The following SNX25 variants were observed in gnomAD, a reference collection of about 807,000 sequenced individuals.
SNX25 encodes the protein sorting nexin-25.
In SNX25, 62 loss-of-function variants were observed where a neutral mutation model predicts 113.7. The ratio of observed to expected loss-of-function variants is 0.55; its 90% CI spans 0.44 to 0.67. The LOEUF (loss-of-function observed/expected upper bound fraction) is 0.67. Among genes scored for constraint, SNX25 ranks in the 30% least tolerant of loss-of-function variants. SNX25 has a pLI of 0.00. For synonymous variants in SNX25, 421 were observed against 436.2 expected (o/e 0.97, Z 0.43); for missense variants, 1,014 against 1,161.0 (o/e 0.87, Z 1.84).
At chr4:185,352,576 G>C (rs2095321299) in intron 14 of SNX25, among the ~76,000 whole-genome samples, 1 of 152,104 alleles carries the variant, frequency 6.6e-6, no homozygotes, top group African/African-American at 2.4e-5. Context: ...GTTAATATAT[G>C]ACTCAGTCAC....
At chr4:185,353,433 C>A in intron 14 of SNX25, 52 bp from the exon 15 acceptor site, 1 of 1,397,086 alleles carries the variant, frequency 7.2e-7, no homozygotes, top group Non-Finnish European at 1.0e-6. Flanking sequence ...AACAACTCTA[C>A]CAATTTTCTT....
At chr4:185,374,296 A>C, downstream of SNX25, 2 of 1,614,022 alleles carry the variant, frequency 1.2e-6, no homozygotes, top group Non-Finnish European at 1.7e-6. Flanking sequence ...TTCAAACCTA[A>C]TCTTGTTCTC....
intron 1 of SNX25, among the ~76,000 whole-genome samples, chr4:185,211,327 G>A (rs773859703): frequency 1.4e-4 from 22 of 152,214 alleles, no homozygotes; most frequent in Admixed American, 2.0e-4. Flanking sequence ...AAACAAGGCA[G>A]TATATTAAGG....
intron 1 of SNX25, among the ~76,000 whole-genome samples, chr4:185,229,103 G>A (rs539722608): frequency 6.6e-6 from 1 of 152,094 alleles, no homozygotes; most frequent in African/African-American, 2.4e-5. Flanking sequence ...CAACGCCCGC[G>A]GTGTGGTTGT....
intron 11 of SNX25, among the ~76,000 whole-genome samples, chr4:185,340,531 A>G (rs2095254425): frequency 6.6e-6 from 1 of 152,178 alleles, no homozygotes; most frequent in Non-Finnish European, 1.5e-5. Flanking sequence ...AGACTCCCAC[A>G]TAGAAACCCT....
intron 6 of SNX25, among the ~76,000 whole-genome samples, chr4:185,306,898 G>A (rs929528782): frequency 6.6e-6 from 1 of 151,996 alleles, no homozygotes; most frequent in Non-Finnish European, 1.5e-5. Flanking sequence ...TTTTTTTCCT[G>A]TTGAGATAAA....
At chr4:185,322,909 T>C (rs1413227392) in intron 8 of SNX25, among the ~76,000 whole-genome samples, 1 of 152,250 alleles carries the variant, frequency 6.6e-6, no homozygotes, top group Non-Finnish European at 1.5e-5. Context: ...TGTTGAAAAC[T>C]GCGTAACATT....
intron 7 of SNX25, among the ~76,000 whole-genome samples, chr4:185,317,332 C>T (rs1011295480): frequency 2.0e-5 from 3 of 152,126 alleles, no homozygotes; most frequent in Middle Eastern, 3.2e-3. Context: ...CAGATGCTGA[C>T]GAGGCTGTGG....
intron 1 of SNX25, 47 bp from the exon 2 acceptor site, chr4:185,247,247 T>C (rs1365743061): frequency 7.8e-7 from 1 of 1,286,000 alleles, no homozygotes; most frequent in Non-Finnish European, 1.1e-6. Context: ...TTTTATGTGA[T>C]TTATTCATTC....
At chr4:185,276,774 G>T (rs925331045) in intron 5 of SNX25, among the ~76,000 whole-genome samples, 1 of 152,142 alleles carries the variant, frequency 6.6e-6, no homozygotes, top group Non-Finnish European at 1.5e-5. Context: ...TTTCCCCGCC[G>T]CCCTGTCTCC....
chr4:185,361,357 T>C (rs2095362641), intron 16 of SNX25, among the ~76,000 whole-genome samples: 1 of 152,222 alleles, frequency 6.6e-6, no homozygotes, highest in Admixed American at 6.5e-5. Context: ...TTCTTGTCTT[T>C]ATAGATTGAA....
Position 185,363,353 on chromosome 4 carries a change from T to C in SNX25, c.2935-32T>C, listed in dbSNP as rs1185355182. ...TGAATAAACCCTTGGAGAAAAACAT[T>C]TTTCCACTTTTTTCCTTCTTTGTTG... is the stretch of plus-strand genomic sequence containing the variant. On this transcript the variant is annotated intron_variant, in intron 18 of 18. Coordinates refer to ENST00000652585, the MANE Select transcript of SNX25 (RefSeq NM_001378034.2). The surrounding 1 kb of genome is among the most constrained non-coding windows in gnomAD (Gnocchi z 4.2). The C allele has an allele frequency of 4.4e-6, 7 of 1,608,838 alleles. No individual in the cohort carries two copies. The highest frequency in any genetic ancestry group is 6.0e-6 in the Non-Finnish European group (7 of 1,175,746).
At chr4:185,326,189 G>A (rs2095156084) in intron 9 of SNX25, among the ~76,000 whole-genome samples, 1 of 152,112 alleles carries the variant, frequency 6.6e-6, no homozygotes, top group Non-Finnish European at 1.5e-5. Context: ...ACTTTGAAAA[G>A]CAAAACAAAG....
At chr4:185,341,902 G>A (rs1334312916) in intron 11 of SNX25, 74 bp from the exon 12 acceptor site, 9 of 1,480,740 alleles carry the variant, frequency 6.1e-6, no homozygotes, top group Non-Finnish European at 6.3e-6. Flanking sequence ...TCCTTAGGGG[G>A]ACACTTACAG....
At chr4:185,341,683 T>A (rs1261953306) in intron 11 of SNX25, among the ~76,000 whole-genome samples, 1 of 152,240 alleles carries the variant, frequency 6.6e-6, no homozygotes, top group African/African-American at 2.4e-5. Context: ...ATCTGTTTTC[T>A]TGCTGGTTTC....
At chr4:185,219,491 G>A (rs1969459) in intron 1 of SNX25, among the ~76,000 whole-genome samples, 98,982 of 151,880 alleles carry the variant, frequency 0.65, 32,333 homozygotes, top group East Asian at 0.73. Flanking sequence ...CCCTGGAGGC[G>A]GAGGTTGCAG....
chr4:185,229,362 G>A (rs1052381320), intron 1 of SNX25, among the ~76,000 whole-genome samples: 1 of 152,340 alleles, frequency 6.6e-6, no homozygotes, highest in East Asian at 1.9e-4. Context: ...GAGAATGGGC[G>A]AGCGCCGTGG....
intron 1 of SNX25, among the ~76,000 whole-genome samples, chr4:185,236,005 A>G (rs1306098870): frequency 6.6e-6 from 1 of 152,206 alleles, no homozygotes; most frequent in Non-Finnish European, 1.5e-5. Flanking sequence ...AATCTGTGGT[A>G]ATTAACATTG....
Position 185,304,452 on chromosome 4 carries a change from G to T in SNX25, c.1163-6183G>T, listed in dbSNP as rs1360268391. Reference sequence around the variant, plus strand: ...GGCTCACCTCAACCTCCACCTCCTGGGTTCAAGCAATTCCCCTGGCTCAGC... The same window carrying T: ...GGCTCACCTCAACCTCCACCTCCTGTGTTCAAGCAATTCCCCTGGCTCAGC... On this transcript the variant is annotated intron_variant, in intron 6 of 18. Transcript: ENST00000652585. Among the ~76,000 whole-genome samples, 4 of 152,152 alleles carry T rather than the reference G, an allele frequency of 2.6e-5. No homozygotes were observed. In the East Asian group the frequency reaches 7.7e-4, roughly 29 times the overall value.
Sources: gnomAD v4.1 joint callset for allele counts (sites outside exome capture counted in the v4.1 genomes callset) on GRCh38, gnomAD v4.1.1 for gene constraint, Gnocchi (gnomAD v3.1) non-coding constraint, MANE v1.5 for transcripts, NCBI Gene and HGNC (gene_info 2026-07-23, HGNC 2026-07-21) for gene names.